Variants in CDH18 observed in about 807,000 individuals in gnomAD.
The protein encoded by CDH18 is cadherin-18.
A neutral mutation model predicts 67.9 loss-of-function variants in CDH18; 31 were observed. The observed-to-expected ratio is 0.46, with a 90% CI of 0.34 to 0.62. The LOEUF (loss-of-function observed/expected upper bound fraction) is 0.62. Among genes scored for constraint, CDH18 ranks in the 20% least tolerant of loss-of-function variants. CDH18 has a pLI of 0.01. For synonymous variants in CDH18, 362 were observed against 347.2 expected (o/e 1.04, Z -0.48); for missense variants, 890 against 975.5 (o/e 0.91, Z 1.17).
At chr5:19,587,874 T>C (rs753511103) in intron 7 of CDH18, among the ~76,000 whole-genome samples, 3 of 152,264 alleles carry the variant, frequency 2.0e-5, no homozygotes, top group South Asian at 4.1e-4. Context: ...TTGATTGCTT[T>C]GGGCAGTATG....
chr5:19,714,705 A>G (rs1765135838), intron 5 of CDH18, among the ~76,000 whole-genome samples: 1 of 148,920 alleles, frequency 6.7e-6, no homozygotes, highest in Admixed American at 6.7e-5. Flanking sequence ...TGGTGATTGC[A>G]AGAGAAGGGA....
At chr5:20,285,751 T>A (rs1479071565) in intron 1 of CDH18, among the ~76,000 whole-genome samples, 1 of 151,404 alleles carries the variant, frequency 6.6e-6, no homozygotes, top group East Asian at 1.9e-4. Flanking sequence ...AATAGAAAAA[T>A]CATTTAAATT....
At chr5:20,436,829 T>G (rs528509513) in intron 1 of CDH18, among the ~76,000 whole-genome samples, 1 of 151,188 alleles carries the variant, frequency 6.6e-6, no homozygotes, top group South Asian at 2.1e-4. Context: ...AAAAAAAAAT[T>G]CCCAAAACTG....
chr5:19,840,995 T>A (rs7701491), intron 2 of CDH18, among the ~76,000 whole-genome samples: 1,915 of 152,260 alleles, frequency 0.013, 36 homozygotes, highest in African/African-American at 0.044. Context: ...TACAAATAAT[T>A]GGTTACAGCA....
In CDH18 at chr5:20,320,878, C is replaced by A. The variant is rs1243269567; in HGVS notation, c.-579-65373G>T. ...TGCAGGCAACTCTAGTGGCCAGAAC[C>A]TGTACATAGTATGTACAGGAGTCTT... On this transcript the variant is annotated intron_variant, in intron 1 of 14. Coordinates refer to the CDH18 transcript ENST00000507958. 2.0e-5 allele frequency among the ~76,000 whole-genome samples: 3 copies of A among 152,148 alleles called. No homozygotes were observed. In the East Asian group the frequency reaches 5.8e-4, roughly 29 times the overall value.
At chr5:20,258,882 A>C (rs1346231358) in intron 1 of CDH18, among the ~76,000 whole-genome samples, 1 of 152,092 alleles carries the variant, frequency 6.6e-6, no homozygotes, top group Non-Finnish European at 1.5e-5. Flanking sequence ...ATTGACCCTG[A>C]GATTCATATG....
chr5:19,744,505 C>CACAT (rs1769698796), intron 4 of CDH18, among the ~76,000 whole-genome samples: 3 of 124,582 alleles, frequency 2.4e-5, no homozygotes, highest in Non-Finnish European at 4.8e-5. Flanking sequence ...ACTCAGTGTA[C>CACAT]ACACACACAC....
At chr5:19,776,522 AAAT>A (rs1476683101) in intron 3 of CDH18, among the ~76,000 whole-genome samples, 1 of 152,180 alleles carries the variant, frequency 6.6e-6, no homozygotes, top group Non-Finnish European at 1.5e-5. Context: ...AAAGAGGAGA[AAAT>A]AAATTCATAC....
At chr5:19,620,330 A>C (rs1434646228) in intron 5 of CDH18, among the ~76,000 whole-genome samples, 1 of 152,196 alleles carries the variant, frequency 6.6e-6, no homozygotes, top group Non-Finnish European at 1.5e-5. Context: ...CTCTATTAGA[A>C]TGTGAAAAGA....
chr5:20,030,172 A>G (rs551054309), intron 2 of CDH18, among the ~76,000 whole-genome samples: 1 of 152,330 alleles, frequency 6.6e-6, no homozygotes, highest in South Asian at 2.1e-4. Flanking sequence ...ACCCAAGAAG[A>G]GTGTGACTTT....
chr5:20,557,787 G>A (rs1004748685), intron 1 of CDH18, among the ~76,000 whole-genome samples: 4 of 151,906 alleles, frequency 2.6e-5, no homozygotes, highest in Admixed American at 6.6e-5. Context: ...CAAAGACAAA[G>A]AGTTCAACTT....
chr5:19,899,339 A>G (rs4489067), intron 2 of CDH18, among the ~76,000 whole-genome samples: 122,419 of 150,996 alleles, frequency 0.81, 51,118 homozygotes, highest in Non-Finnish European at 0.91. Flanking sequence ...GGCAGAGGTC[A>G]CAGTGAGCCG....
intron 1 of CDH18, among the ~76,000 whole-genome samples, chr5:20,309,828 C>G (rs1307603367): frequency 6.6e-6 from 1 of 152,178 alleles, no homozygotes; most frequent in Non-Finnish European, 1.5e-5. Context: ...TCACATGCAT[C>G]TGCATATATA....
intron 1 of CDH18, among the ~76,000 whole-genome samples, chr5:20,506,632 A>AG (rs1467206472): frequency 1.3e-5 from 2 of 152,210 alleles, no homozygotes; most frequent in African/African-American, 4.8e-5. Context: ...CTGTAAAGTA[A>AG]GGGACTCAGT....
chr5:20,130,058 A>ATAG (rs1554093972), intron 2 of CDH18, among the ~76,000 whole-genome samples: 1 of 140,430 alleles, frequency 7.1e-6, no homozygotes, highest in Admixed American at 7.3e-5. Flanking sequence ...TTTAGTGGCA[A>ATAG]TATTATTATT....
chr5:20,138,535 G>T (rs1325442020), intron 2 of CDH18, among the ~76,000 whole-genome samples: 1 of 152,160 alleles, frequency 6.6e-6, no homozygotes, highest in African/African-American at 2.4e-5. Flanking sequence ...TTCCCTGTTT[G>T]CAGAAGACAT....
At chr5:20,317,899 C>T (rs995437618) in intron 1 of CDH18, among the ~76,000 whole-genome samples, 4 of 152,096 alleles carry the variant, frequency 2.6e-5, no homozygotes, top group African/African-American at 9.7e-5. Flanking sequence ...CAATGTTCTA[C>T]TAAAAACTAA....
intron 9 of CDH18, among the ~76,000 whole-genome samples, chr5:19,542,821 T>A (rs1750487169): frequency 6.6e-6 from 1 of 152,094 alleles, no homozygotes; most frequent in African/African-American, 2.4e-5. Context: ...ATAAAAATGT[T>A]TTGAAATTGG....
At chr5:20,259,993 G>A (rs541432544) in intron 1 of CDH18, among the ~76,000 whole-genome samples, 1 of 151,730 alleles carries the variant, frequency 6.6e-6, no homozygotes, top group Non-Finnish European at 1.5e-5. Flanking sequence ...ATTGAGGTGC[G>A]ACTGCACAAC....
Sources: allele counts gnomAD v4.1 joint callset (sites outside exome capture counted in the v4.1 genomes callset), GRCh38; gene constraint gnomAD v4.1.1; transcripts MANE v1.5; gene names NCBI Gene and HGNC (gene_info 2026-07-23, HGNC 2026-07-21).